Variants in ASIC2 observed in about 807,000 individuals in gnomAD.
ASIC2 encodes acid sensing ion channel subunit 2.
In ASIC2, 25 loss-of-function variants were observed where a neutral mutation model predicts 57.3. The observed-to-expected ratio is 0.44, with a 90% CI of 0.32 to 0.61. The LOEUF (loss-of-function observed/expected upper bound fraction) is 0.61, where lower values mean the gene tolerates loss of function less well. Ranked by LOEUF, ASIC2 falls within the 20% of genes least tolerant of loss-of-function variation. The pLI is 0.06. For missense variants in ASIC2, 641 were observed against 738.1 expected (o/e 0.87, Z 1.52); for synonymous variants, 319 against 307.5 (o/e 1.04, Z -0.39).
intron 1 of ASIC2, among the ~76,000 whole-genome samples, chr17:33,168,000 T>C (rs1376230266): frequency 6.6e-6 from 1 of 152,250 alleles, no homozygotes; most frequent in Non-Finnish European, 1.5e-5. Flanking sequence ...TCTGCCCTCA[T>C]TAAATGCAAT....
intron 1 of ASIC2, among the ~76,000 whole-genome samples, chr17:33,448,469 A>T (rs1026904070): frequency 1.3e-5 from 2 of 152,244 alleles, no homozygotes; most frequent in African/African-American, 4.8e-5. Context: ...AGATTCCATC[A>T]TAAGTGTCCT....
chr17:34,082,890 A>G (rs1205897535), intron 1 of ASIC2, among the ~76,000 whole-genome samples: 1 of 152,164 alleles, frequency 6.6e-6, no homozygotes, highest in Non-Finnish European at 1.5e-5. Context: ...CTTCTGCTTC[A>G]TTTCTTGTCT....
At chr17:34,145,567 A>G (rs1406308800) in intron 1 of ASIC2, among the ~76,000 whole-genome samples, 1 of 152,156 alleles carries the variant, frequency 6.6e-6, no homozygotes, top group African/African-American at 2.4e-5. Context: ...AACTCCTTCT[A>G]GTCTGCCGAT....
At chr17:34,023,569 T>G (rs1389766759) in intron 1 of ASIC2, among the ~76,000 whole-genome samples, 1 of 152,144 alleles carries the variant, frequency 6.6e-6, no homozygotes, top group East Asian at 1.9e-4. Flanking sequence ...CCCTCCCTCA[T>G]GATGGAACTA....
intron 1 of ASIC2, among the ~76,000 whole-genome samples, chr17:33,193,665 T>C (rs2142070757): frequency 6.6e-6 from 1 of 152,300 alleles, no homozygotes; most frequent in Middle Eastern, 3.4e-3. Context: ...GGGACAACTC[T>C]GAGATCTGAT....
intron 1 of ASIC2, among the ~76,000 whole-genome samples, chr17:34,025,678 T>C (rs1053607151): frequency 3.3e-5 from 5 of 152,358 alleles, no homozygotes; most frequent in African/African-American, 1.2e-4. Context: ...CAGGTTAGGA[T>C]CGGATTTTAG....
intron 1 of ASIC2, among the ~76,000 whole-genome samples, chr17:33,388,058 C>T (rs190103401): frequency 6.6e-6 from 1 of 151,932 alleles, no homozygotes; most frequent in Non-Finnish European, 1.5e-5. Context: ...CCAGCCTGGA[C>T]AATAGAGAGA....
chr17:33,089,927 G>A (rs1333792058), intron 2 of ASIC2, among the ~76,000 whole-genome samples: 1 of 152,158 alleles, frequency 6.6e-6, no homozygotes, highest in East Asian at 1.9e-4. Context: ...ATGAACTTAT[G>A]GGACTGTATA....
At chr17:33,039,550 G>A (rs377534185) in intron 3 of ASIC2, among the ~76,000 whole-genome samples, 11 of 152,144 alleles carry the variant, frequency 7.2e-5, no homozygotes, top group African/African-American at 2.7e-4. Flanking sequence ...TGAGATATTG[G>A]CTGCTTCAGA....
intron 1 of ASIC2, among the ~76,000 whole-genome samples, chr17:33,994,996 C>T (rs1369217599): frequency 6.6e-6 from 1 of 152,090 alleles, no homozygotes; most frequent in African/African-American, 2.4e-5. Context: ...GCATTGGGGA[C>T]ATCAAAGAAA....
chr17:33,703,435 C>T (rs1380721886), intron 1 of ASIC2, among the ~76,000 whole-genome samples: 2 of 151,912 alleles, frequency 1.3e-5, no homozygotes, highest in African/African-American at 4.8e-5. Flanking sequence ...TTACTGCAAC[C>T]TCTGCCTCCT....
chr17:33,629,003 C>G (rs1488868464), intron 1 of ASIC2, among the ~76,000 whole-genome samples: 1 of 152,208 alleles, frequency 6.6e-6, no homozygotes, highest in Non-Finnish European at 1.5e-5. Context: ...CCAAAGTCCT[C>G]TCAGCTTTGG....
intron 1 of ASIC2, among the ~76,000 whole-genome samples, chr17:33,540,766 C>T (rs1915383788): frequency 6.6e-6 from 1 of 152,080 alleles, no homozygotes; most frequent in Non-Finnish European, 1.5e-5. Flanking sequence ...TGGGACCTAC[C>T]AGCACAGAGA....
chr17:33,407,528 C>A (rs1910512664), intron 1 of ASIC2, among the ~76,000 whole-genome samples: 1 of 152,148 alleles, frequency 6.6e-6, no homozygotes, highest in Non-Finnish European at 1.5e-5. Context: ...TCACTCAGGG[C>A]AAGTATGGGC....
intron 1 of ASIC2, among the ~76,000 whole-genome samples, chr17:33,920,928 C>T (rs1915697540): frequency 6.6e-6 from 1 of 152,100 alleles, no homozygotes; most frequent in Non-Finnish European, 1.5e-5. Context: ...TTGTCCTAGC[C>T]CTAGAAGTCC....
intron 1 of ASIC2, among the ~76,000 whole-genome samples, chr17:33,445,670 G>A (rs1198222862): frequency 6.6e-6 from 1 of 151,912 alleles, no homozygotes; most frequent in East Asian, 1.9e-4. Context: ...GGCGGCTCAT[G>A]CCTGTAATCC....
intron 1 of ASIC2, among the ~76,000 whole-genome samples, chr17:33,838,657 CACA>C (rs890286175): frequency 6.6e-6 from 1 of 152,068 alleles, no homozygotes; most frequent in Non-Finnish European, 1.5e-5. Context: ...TGCCTCTGTA[CACA>C]ACAATAGTTA....
chr17:34,095,201 G>A (rs1483235478), intron 1 of ASIC2, among the ~76,000 whole-genome samples: 2 of 152,170 alleles, frequency 1.3e-5, no homozygotes, highest in African/African-American at 4.8e-5. Flanking sequence ...ACCATCAGAG[G>A]GTAGGGGATA....
rs552644255 is a variant in ASIC2, at chr17:33,369,069, T to C, written c.556-257002A>G. On this transcript the variant is annotated intron_variant, in intron 1 of 9. Transcript: ENST00000359872. ...CTCTGCTTCCCTATGAAGATTATCC[T>C]TGGTGGTGAATAAAACAATGGGAGC... Among the ~76,000 whole-genome samples the C allele has an allele frequency of 4.6e-5, 7 of 152,242 alleles. 1 individual carries two copies. The South Asian group carries it at 1.2e-3, about 27-fold the overall frequency.
Sources: gnomAD v4.1 joint callset for allele counts (sites outside exome capture counted in the v4.1 genomes callset) on GRCh38, gnomAD v4.1.1 for gene constraint, MANE v1.5 for transcripts, NCBI Gene and HGNC (gene_info 2026-07-23, HGNC 2026-07-21) for gene names.